The following CAMTA2 variants were observed in gnomAD, a reference collection of about 807,000 sequenced individuals.
CAMTA2 encodes calmodulin-binding transcription activator 2.
CAMTA2 carries 56 observed loss-of-function variants against 135.7 expected under a neutral mutation model. The observed-to-expected ratio is 0.41, with a 90% CI of 0.33 to 0.52. The LOEUF (loss-of-function observed/expected upper bound fraction) is 0.52, where lower values mean the gene tolerates loss of function less well. Ranked by LOEUF, CAMTA2 falls within the 20% of genes least tolerant of loss-of-function variation. The probability of loss-of-function intolerance (pLI) is 0.16; values close to 1 mark genes in which losing one functional copy is unlikely to be tolerated. For missense variants in CAMTA2, 1,358 were observed against 1,553.4 expected, an observed-to-expected ratio of 0.87 and a Z score of 2.11; for synonymous variants, 591 against 604.6, an observed-to-expected ratio of 0.98 and a Z score of 0.33.
chr17:4,973,649 TCA>T lies in CAMTA2; in HGVS notation c.2135_2136del (p.Met712LysfsTer36). On this transcript the variant is annotated frameshift_variant, in exon 13 of 23. Transcript: ENST00000348066. LOFTEE classifies it high-confidence loss of function. ...RLAHGSPFRG[M>X]SLLHLAAAQG... ...TGGGCAGCAGCCAGGTGCAGAAGGC[TCA>T]TGCCCCGGAAGGGGCTTCCATGGGC... The T allele has an allele frequency of 1.2e-6, 2 of 1,614,182 alleles. No homozygotes were observed. Among genetic ancestry groups the T allele is most frequent in the South Asian group, 1.1e-5 (1 of 91,084 alleles).
chr17:4,986,176 T>C lies in CAMTA2; in HGVS notation c.31+16A>G. The C allele has an allele frequency of 6.6e-7, 1 of 1,509,502 alleles. No homozygotes were observed. The highest frequency in any genetic ancestry group is 9.2e-7 in the Non-Finnish European group (1 of 1,084,520). 93.5% of individuals were successfully genotyped at this position (1,509,502 alleles called of 1,614,324 possible). The stretch of plus-strand genomic sequence containing the variant: ...AAAGGCTGTGGCCACATTGGGAACC[T>C]GGTTTGTGAACTTACCAGCAACCTC... On this transcript the variant is annotated intron_variant, in intron 2 of 22. Transcript: ENST00000348066.
chr17:4,985,830 C>G (rs372498927), intron 3 of CAMTA2, 50 bp downstream of exon 3: 1 of 1,204,740 alleles, frequency 8.3e-7, no homozygotes, highest in African/African-American at 1.5e-5. Flanking sequence ...TCACCCTCCT[C>G]CAGCCTACTA....
At position 4,970,478 on chromosome 17, in the gene CAMTA2, C is replaced by T. The variant is rs138197927; in HGVS notation, c.2867G>A (p.Arg956Gln). 1,035 of 1,614,106 alleles carry T rather than the reference C, an allele frequency of 6.4e-4. 3 individuals carry two copies. In the African/African-American group the frequency reaches 0.011, roughly 18 times the overall value. Reference sequence around the variant, plus strand: ...CTCGGGCAGCCCCACGAAGTCCTCTCGTTTAATCCGCTCCGGTGTGGCTTC... The same window carrying T: ...CTCGGGCAGCCCCACGAAGTCCTCTTGTTTAATCCGCTCCGGTGTGGCTTC... ...IIEATPERIK[R>Q]EDFVGLPEAG... The change falls in exon 17 of 23, where the codon CGA becomes CAA. Residue 956 changes from arginine (R) to glutamine (Q), a missense_variant. This residue lies in a region of CAMTA2 where 1,077 missense variants were observed against 1,127.5 expected (regional missense o/e 0.96). Coordinates refer to ENST00000348066, the MANE Select transcript of CAMTA2 (RefSeq NM_015099.4).
rs758946608 is a variant in CAMTA2 at position 4,972,942 on chromosome 17, C to T, written c.2330G>A (p.Arg777His). 84 of 1,613,510 alleles carry T rather than the reference C, an allele frequency of 5.2e-5. No individual in the cohort carries two copies. The highest frequency in any genetic ancestry group is 8.9e-5 in the East Asian group (4 of 44,890). Reference sequence around the variant, plus strand: ...AATGCTCAGTGCCTGTCGGTTCCAACGGAAAAGGAGCACAGCAGCTTCCAG... The same window carrying T: ...AATGCTCAGTGCCTGTCGGTTCCAATGGAAAAGGAGCACAGCAGCTTCCAG... ...GHLEAAVLLFRWNRQALSIPD... is the reference protein window; with the variant it reads ...GHLEAAVLLFHWNRQALSIPD... Residue 777 changes from arginine (R) to histidine (H), a missense_variant, in exon 15 of 23, where the codon CGT becomes CAT. By Grantham distance (29) the Arg-to-His change is conservative. Transcript: ENST00000348066.
At position 4,973,571 on chromosome 17, in the gene CAMTA2, C is replaced by A; in HGVS notation, c.2201+14G>T. On this transcript the variant is annotated intron_variant, in intron 13 of 22. Coordinates refer to ENST00000348066, the MANE Select transcript of CAMTA2 (RefSeq NM_015099.4). ...CAGAGGCTGCCCAGCCCTCACCCAG[C>A]TGCCCTTGCTCACCGCCACTGGCTC... The A allele has an allele frequency of 1.2e-6, 2 of 1,605,784 alleles. No individual in the cohort carries two copies. The highest frequency in any genetic ancestry group is 1.7e-5 in the Admixed American group (1 of 59,294).
rs1018006551 is a variant in CAMTA2, at chr17:4,985,906, C to G, written c.109G>C (p.Glu37Gln). The change falls in exon 3 of 23, where the codon GAG becomes CAG. Residue 37 changes from glutamate (E) to glutamine (Q), a missense_variant. Physicochemically the swap from Glu to Gln is conservative, Grantham distance 29 (BLOSUM62 2). This residue lies in a region of CAMTA2 where 105 missense variants were observed against 190.9 expected (regional missense o/e 0.55). Transcript: ENST00000348066. ...CLPRCPLLPPERLRWNTNEEI... is the reference protein window; with the variant it reads ...CLPRCPLLPPQRLRWNTNEEI... ...TCATTTGTATTCCACCGTAGCCTCT[C>G]TGGAGGCAGCAGCGGGCAGCGAGGA... The G allele has an allele frequency of 2.5e-6, 4 of 1,613,256 alleles. No homozygotes were observed. The African/African-American group carries it at 5.3e-5, about 22-fold the overall frequency.
chr17:4,978,366 A>C, intron 10 of CAMTA2, 138 bp downstream of exon 10: 2 of 856,110 alleles, frequency 2.3e-6, no homozygotes, highest in Non-Finnish European at 3.5e-6. Context: ...CTTGGGGCTC[A>C]ACCTCAGGAC....
intron 3 of CAMTA2, among the ~76,000 whole-genome samples, chr17:4,985,382 G>A (rs974312793): frequency 2.6e-5 from 4 of 152,336 alleles, no homozygotes; most frequent in African/African-American, 4.8e-5. Flanking sequence ...TTTTACCCAG[G>A]TGGCTATGCC....
Position 4,972,445 on chromosome 17 carries a change from G to A in CAMTA2, c.2595C>T (p.Pro865=), listed in dbSNP as rs1195792438. 2 of 1,613,804 alleles carry A rather than the reference G, an allele frequency of 1.2e-6. No homozygotes were observed. The highest frequency in any genetic ancestry group is 1.7e-6 in the Non-Finnish European group (2 of 1,179,838). The change falls in exon 16 of 23, where the codon CCC becomes CCT. Residue 865 remains proline (P), a synonymous_variant. Coordinates refer to ENST00000348066, the MANE Select transcript of CAMTA2 (RefSeq NM_015099.4). The stretch of plus-strand genomic sequence containing the variant: ...TCTCAGAGGCTGGCAGAGGTGCAGG[G>A]GGGGGACTGCCATCTGGGGCACTAG... ...AYSSAPDGSP[P]PAPLPASEMT...
chr17:4,977,621 T>G (rs893413661), intron 10 of CAMTA2, among the ~76,000 whole-genome samples: 1 of 152,256 alleles, frequency 6.6e-6, no homozygotes, highest in Non-Finnish European at 1.5e-5. Flanking sequence ...CAGCAGGCCC[T>G]GATCCTAAGA....
rs1406850947 is a variant in CAMTA2 at position 4,969,728 on chromosome 17, C to G, written c.3190-27G>C. ...TGAAGGGAGAGAAGTCTCACCACCT[C>G]ATGACCCACATAATGGCATATCTGA... On this transcript the variant is annotated intron_variant, in intron 18 of 22. Coordinates refer to ENST00000348066, the MANE Select transcript of CAMTA2 (RefSeq NM_015099.4). This position sits in a 1 kb window ranked among gnomAD's most constrained non-coding sequence, Gnocchi z 5.6. 1 of 1,612,962 alleles carries G rather than the reference C, an allele frequency of 6.2e-7. No individual in the cohort carries two copies. Among genetic ancestry groups the G allele is most frequent in the Admixed American group, 1.7e-5 (1 of 60,014 alleles).
At position 4,987,668 on chromosome 17, in the gene CAMTA2, C is replaced by T; in HGVS notation, c.-140G>A. On this transcript the variant is annotated 5_prime_UTR_variant, in exon 1 of 23. Transcript: ENST00000348066. ...GACCCCCCCCAGCGCCGGCTGACAG[C>T]GGCGTCTAACGTCACTGCGCACGGG... 2.6e-6 allele frequency: 4 copies of T among 1,514,226 alleles called. No homozygotes were observed. The highest frequency in any genetic ancestry group is 3.5e-6 in the Non-Finnish European group (4 of 1,134,282). The allele number at this position is 1,514,226 out of a possible 1,614,324, so 93.8% of individuals were successfully genotyped here. A position where few individuals can be genotyped will look rare whatever the true frequency, so the allele number is the denominator to read the frequency against.
intron 1 of CAMTA2, chr17:4,987,126 C>A: frequency 7.3e-7 from 1 of 1,361,004 alleles, no homozygotes; most frequent in South Asian, 1.8e-5. Flanking sequence ...GGACTCCGCC[C>A]CAGGGCGCAG....
At chr17:4,985,047 G>A (rs557367877) in intron 3 of CAMTA2, among the ~76,000 whole-genome samples, 9 of 149,724 alleles carry the variant, frequency 6.0e-5, no homozygotes, top group South Asian at 4.2e-4. Context: ...TTAGCCGGGC[G>A]TGGAGGCACA....
intron 14 of CAMTA2, 29 bp downstream of exon 14, chr17:4,973,146 A>G: frequency 6.3e-7 from 1 of 1,597,674 alleles, no homozygotes; most frequent in Non-Finnish European, 8.6e-7. Flanking sequence ...TCCCTGCCCC[A>G]TATGCGCTCA....
At position 4,973,519 on chromosome 17, in the gene CAMTA2, C is replaced by G. The variant is rs1442585346; in HGVS notation, c.2201+66G>C. ...GGTAGGGCCCCAGGTCCTCCAATTC[C>G]TCTTCAGTCCCCTGACACTTCTGTC... On this transcript the variant is annotated intron_variant, in intron 13 of 22. Coordinates refer to ENST00000348066, the MANE Select transcript of CAMTA2 (RefSeq NM_015099.4). The G allele has an allele frequency of 4.7e-6, 7 of 1,498,560 alleles. No homozygotes were observed. In the East Asian group the frequency reaches 1.2e-4, roughly 26 times the overall value. The allele number at this position is 1,498,560 out of a possible 1,614,324, so 92.8% of individuals were successfully genotyped here. A position where few individuals can be genotyped will look rare whatever the true frequency, so the allele number is the denominator to read the frequency against.
chr17:4,982,058 A>T, intron 6 of CAMTA2, 31 bp downstream of exon 6: 2 of 1,546,818 alleles, frequency 1.3e-6, no homozygotes, highest in Non-Finnish European at 1.8e-6. Flanking sequence ...AGTCAGGAAG[A>T]GGGTGGCTCC....
At chr17:4,986,829 A>G (rs1332891418) in intron 1 of CAMTA2, 1 of 753,398 alleles carries the variant, frequency 1.3e-6, no homozygotes, top group African/African-American at 1.8e-5. Flanking sequence ...AGGACCTGAT[A>G]GAATCTGGGC....
Position 4,968,624 on chromosome 17 carries a change from G to A in CAMTA2, c.*132C>T. 6 of 895,288 alleles carry A rather than the reference G, an allele frequency of 6.7e-6. No individual in the cohort carries two copies. The South Asian group carries it at 8.5e-5, about 13-fold the overall frequency. The allele number at this position is 895,288 out of a possible 1,614,324, so 55.5% of individuals were successfully genotyped here. A position where few individuals can be genotyped will look rare whatever the true frequency, so the allele number is the denominator to read the frequency against. The stretch of plus-strand genomic sequence containing the variant: ...GGAGCAAGGCGTGGGGAGGAGGGAG[G>A]AGGCCTACAGAGGGCTCCAACAAAG... On this transcript the variant is annotated 3_prime_UTR_variant, in exon 23 of 23. Coordinates refer to ENST00000348066, the MANE Select transcript of CAMTA2 (RefSeq NM_015099.4).
Sources: allele counts gnomAD v4.1 joint callset (sites outside exome capture counted in the v4.1 genomes callset), GRCh38; gene constraint gnomAD v4.1.1; regional missense constraint gnomAD v4.1.1; non-coding constraint Gnocchi (gnomAD v3.1); transcripts MANE v1.5; gene names NCBI Gene and HGNC (gene_info 2026-07-23, HGNC 2026-07-21).